MALT1: variants seen among roughly 807,000 people sequenced by gnomAD.
MALT1 encodes MALT1 paracaspase.
A neutral mutation model predicts 85.5 loss-of-function variants in MALT1; 36 were observed. The ratio of observed to expected loss-of-function variants is 0.42; its 90% CI spans 0.32 to 0.56. The LOEUF is 0.56. MALT1 is among the 20% of genes least tolerant of loss of function. The pLI is 0.10. For synonymous variants in MALT1, 359 were observed against 361.3 expected, an observed-to-expected ratio of 0.99 and a Z score of 0.07; for missense variants, 716 against 981.6, an observed-to-expected ratio of 0.73 and a Z score of 3.62.
At position 58,753,730 on chromosome 18, in the gene MALT1, A is replaced by G. The variant is rs2055477613; in HGVS notation, c.*5888A>G. 1 of 152,222 alleles carries G rather than the reference A, an allele frequency of 6.6e-6. No homozygotes were observed. Among genetic ancestry groups the G allele is most frequent in the Non-Finnish European group, 1.5e-5 (1 of 68,034 alleles). 9.4% of individuals were successfully genotyped at this position (152,222 alleles called of 1,614,324 possible). A position where few individuals can be genotyped will look rare whatever the true frequency, so the allele number is the denominator to read the frequency against. ...TTTACACAGTGAACAATGACTGTAT[A>G]ATTTTAAAATACAGATATGCACAAT... On this transcript the variant is annotated 3_prime_UTR_variant, in exon 17 of 17. Transcript: ENST00000649217.
At position 58,750,058 on chromosome 18, in the gene MALT1, A is replaced by G. The variant is rs1039136469; in HGVS notation, c.*2216A>G. The G allele has an allele frequency of 1.6e-4, 30 of 193,462 alleles. No homozygotes were observed. The highest frequency in any genetic ancestry group is 6.2e-4 in the African/African-American group (27 of 43,294). The allele number at this position is 193,462 out of a possible 1,614,324, so 12.0% of individuals were successfully genotyped here. A position where few individuals can be genotyped will look rare whatever the true frequency, so the allele number is the denominator to read the frequency against. On this transcript the variant is annotated 3_prime_UTR_variant, in exon 17 of 17. Coordinates refer to ENST00000649217, the MANE Select transcript of MALT1 (RefSeq NM_006785.4). Reference sequence around the variant, plus strand: ...TTTATACTGCAAAAGAAGTGAAACTATATGTATTCACAGTTGATACATAGT... The same window carrying G: ...TTTATACTGCAAAAGAAGTGAAACTGTATGTATTCACAGTTGATACATAGT...
intron 1 of MALT1, among the ~76,000 whole-genome samples, chr18:58,679,737 TGG>T (rs2054292812): frequency 1.3e-5 from 2 of 152,208 alleles, no homozygotes; most frequent in South Asian, 4.1e-4. Flanking sequence ...TTAGTAGAGA[TGG>T]GGCTTCACCA....
rs2055071153 is a variant in MALT1 at position 58,727,372 on chromosome 18, C to T, written c.1222+4121C>T. Among the ~76,000 whole-genome samples the T allele has an allele frequency of 2.6e-5, 4 of 152,210 alleles. No individual in the cohort carries two copies. In the South Asian group the frequency reaches 6.2e-4, roughly 24 times the overall value. The stretch of plus-strand genomic sequence containing the variant: ...AGGCTGGAGTGCGGTGGCGCAATCT[C>T]GGCTCACGGCAACCTCTGCCTCCTG... On this transcript the variant is annotated intron_variant, in intron 10 of 16. Transcript: ENST00000649217.
intron 10 of MALT1, among the ~76,000 whole-genome samples, chr18:58,725,102 C>T (rs1459731810): frequency 6.6e-6 from 1 of 151,296 alleles, no homozygotes; most frequent in African/African-American, 2.4e-5. Context: ...TGCACTTCAG[C>T]CTGGGTGACA....
At chr18:58,681,806 G>A (rs1475175412) in intron 2 of MALT1, among the ~76,000 whole-genome samples, 1 of 152,156 alleles carries the variant, frequency 6.6e-6, no homozygotes, top group East Asian at 1.9e-4. Flanking sequence ...GCTTTTGAAT[G>A]TTGATTAACT....
chr18:58,743,333 G>A lies in MALT1; in HGVS notation c.1754-1005G>A, dbSNP rs191245244. Among the ~76,000 whole-genome samples, 497 of 152,146 alleles carry A rather than the reference G, an allele frequency of 3.3e-3. 11 individuals carry two copies. Among genetic ancestry groups the A allele is most frequent in the Admixed American group, 0.03 (461 of 15,288 alleles). The stretch of plus-strand genomic sequence containing the variant: ...GGAGTTTGCAGTAAGCTGAGGTCAC[G>A]CCATTGCACTCCAGCCTGGGCAACA... On this transcript the variant is annotated intron_variant, in intron 14 of 16. Coordinates refer to ENST00000649217, the MANE Select transcript of MALT1 (RefSeq NM_006785.4).
At chr18:58,735,144 G>T in intron 12 of MALT1, 58 bp from the exon 13 acceptor site, 1 of 1,438,378 alleles carries the variant, frequency 7.0e-7, no homozygotes, top group South Asian at 1.3e-5. Context: ...ACATATAAGT[G>T]AGAACATACA....
chr18:58,739,609 G>A (rs1254260079), intron 13 of MALT1, among the ~76,000 whole-genome samples: 3 of 152,212 alleles, frequency 2.0e-5, no homozygotes, highest in Non-Finnish European at 4.4e-5. Context: ...CATTCAGTTA[G>A]CTGAAGGCCT....
intron 13 of MALT1, among the ~76,000 whole-genome samples, chr18:58,737,572 T>G (rs1161772153): frequency 6.6e-6 from 1 of 152,048 alleles, no homozygotes; most frequent in African/African-American, 2.4e-5. Context: ...GTTACCAATT[T>G]CTTTTTTTAA....
Position 58,748,277 on chromosome 18 carries a change from C to A in MALT1, c.*435C>A. The stretch of plus-strand genomic sequence containing the variant: ...ATCTAAGTTAGAGCTGGCACCAGAA[C>A]TGAGACCTCCAGAAATCTATTCCAG... On this transcript the variant is annotated 3_prime_UTR_variant, in exon 17 of 17. Coordinates refer to ENST00000649217, the MANE Select transcript of MALT1 (RefSeq NM_006785.4). The A allele has an allele frequency of 4.5e-6, 1 of 223,512 alleles. No individual in the cohort carries two copies. The highest frequency in any genetic ancestry group is 9.0e-6 in the Non-Finnish European group (1 of 111,710). The allele number at this position is 223,512 out of a possible 1,614,324, so 13.8% of individuals were successfully genotyped here. A position where few individuals can be genotyped will look rare whatever the true frequency, so the allele number is the denominator to read the frequency against.
At position 58,723,053 on chromosome 18, in the gene MALT1, G is replaced by C. The variant is rs1205781918; in HGVS notation, c.1024G>C (p.Asp342His). 1 of 1,612,208 alleles carries C rather than the reference G, an allele frequency of 6.2e-7. No individual in the cohort carries two copies. Among genetic ancestry groups the C allele is most frequent in the Admixed American group, 1.7e-5 (1 of 59,880 alleles). The change falls in exon 10 of 17, where the codon GAC becomes CAC. Residue 342 changes from aspartate (D) to histidine (H), a missense_variant. By Grantham distance (81) the Asp-to-His change is moderately conservative. Transcript: ENST00000649217. Reference sequence around the variant, plus strand: ...CCTTTCTTTTTTTTTCAAAGCGAAGGACAAGGTTGCCCTTTTGATAGGAAA... The same window carrying C: ...CCTTTCTTTTTTTTTCAAAGCGAAGCACAAGGTTGCCCTTTTGATAGGAAA... ...EQTTDQPLAK[D>H]KVALLIGNMN...
intron 10 of MALT1, among the ~76,000 whole-genome samples, chr18:58,725,273 G>T (rs533893172): frequency 3.3e-4 from 50 of 152,244 alleles, no homozygotes; most frequent in African/African-American, 1.0e-3. Context: ...AGTGAACCAA[G>T]ATCACACCAC....
intron 1 of MALT1, among the ~76,000 whole-genome samples, chr18:58,676,936 G>A (rs568102152): frequency 4.6e-5 from 7 of 152,202 alleles, no homozygotes; most frequent in Non-Finnish European, 8.8e-5. Context: ...GTCCCCTAAA[G>A]GGTGTATAAT....
chr18:58,679,259 A>G (rs2054285295), intron 1 of MALT1, among the ~76,000 whole-genome samples: 1 of 152,276 alleles, frequency 6.6e-6, no homozygotes, highest in Non-Finnish European at 1.5e-5. Flanking sequence ...AAATACTGGT[A>G]TTTTTAAAAG....
At chr18:58,690,111 G>A (rs1465972656) in intron 2 of MALT1, among the ~76,000 whole-genome samples, 2 of 152,252 alleles carry the variant, frequency 1.3e-5, no homozygotes, top group Non-Finnish European at 2.9e-5. Context: ...CATGTGTCTA[G>A]CAAGTCTGTC....
intron 1 of MALT1, 52 bp from the exon 2 acceptor site, chr18:58,681,118 G>A: frequency 1.3e-6 from 2 of 1,556,174 alleles, no homozygotes; most frequent in Non-Finnish European, 1.8e-6. Flanking sequence ...TATATAGCAG[G>A]TGTATCATGT....
At chr18:58,679,500 C>T (rs1199202716) in intron 1 of MALT1, among the ~76,000 whole-genome samples, 2 of 152,264 alleles carry the variant, frequency 1.3e-5, no homozygotes, top group African/African-American at 4.8e-5. Context: ...ATTTGGCCCA[C>T]AGGCCATGGT....
At chr18:58,687,947 C>A (rs1602283619) in intron 2 of MALT1, among the ~76,000 whole-genome samples, 1 of 152,372 alleles carries the variant, frequency 6.6e-6, no homozygotes, top group East Asian at 1.9e-4. Flanking sequence ...ACTTCTCTGA[C>A]TTCTTTGTAG....
At position 58,749,552 on chromosome 18, in the gene MALT1, G is replaced by A. The variant is rs1003402017; in HGVS notation, c.*1710G>A. ...TCAGCTGGGAACATGTGTACTGGGTGACTCAAATTTTTCACCCATTTACAC... is the reference window on the plus strand; with the variant it reads ...TCAGCTGGGAACATGTGTACTGGGTAACTCAAATTTTTCACCCATTTACAC... On this transcript the variant is annotated 3_prime_UTR_variant, in exon 17 of 17. Transcript: ENST00000649217. 3 of 217,968 alleles carry A rather than the reference G, an allele frequency of 1.4e-5. No homozygotes were observed. Among genetic ancestry groups the A allele is most frequent in the Non-Finnish European group, 1.8e-5 (2 of 108,600 alleles). 13.5% of individuals were successfully genotyped at this position (217,968 alleles called of 1,614,324 possible).
Sources: gnomAD v4.1 joint callset for allele counts (sites outside exome capture counted in the v4.1 genomes callset) on GRCh38, gnomAD v4.1.1 for gene constraint, MANE v1.5 for transcripts, NCBI Gene and HGNC (gene_info 2026-07-23, HGNC 2026-07-21) for gene names.